The following PRR32 variants were observed in gnomAD, a reference collection of about 807,000 sequenced individuals.
The protein encoded by PRR32 is proline-rich protein 32.
In PRR32, 2 loss-of-function variants were observed where a neutral mutation model predicts 1.3. The ratio of observed to expected loss-of-function variants is 1.49; its 90% confidence interval spans 0.61 to 4.68. The LOEUF is 4.68. Ranked by LOEUF, PRR32 falls within the 30% of genes most tolerant of loss-of-function variation. The pLI, the probability that PRR32 is intolerant of heterozygous loss-of-function variation, is 0.06. For synonymous variants in PRR32, 107 were observed against 88.7 expected (o/e 1.21, Z -1.16); for missense variants, 241 against 232.5 (o/e 1.04, Z -0.24).
rs1170129003 is a variant in PRR32 at position 126,820,700 on chromosome X, A to T, written c.62A>T (p.Asp21Val). The change falls in exon 2 of 2, where the codon GAC (aspartate) becomes GTC (valine). Residue 21 changes from aspartate (D) to valine (V), a missense_variant. Coordinates refer to ENST00000371125, the MANE Select transcript of PRR32 (RefSeq NM_001122716.2). ...CCTTCACCCTTGGTAGTATCTGTGG[A>T]CAAAAATGGGAACCAGGAGCTGCAC... ...HAPSPLVVSV[D>V]KNGNQELHHD... 2 of 1,167,912 alleles carry T rather than the reference A, an allele frequency of 1.7e-6. No individual in the cohort carries two copies. The highest frequency in any genetic ancestry group is 2.3e-6 in the Non-Finnish European group (2 of 872,990).
rs1387014737 is a variant in PRR32, at chrX:126,821,366, C to A, written c.728C>A (p.Thr243Asn). The change falls in exon 2 of 2, where the codon ACT becomes AAT. Residue 243 changes from threonine to asparagine, a missense_variant. Physicochemically the swap from Thr to Asn is moderately conservative, Grantham distance 65. Coordinates refer to ENST00000371125, the MANE Select transcript of PRR32 (RefSeq NM_001122716.2). ...SSTPGLPSCSTVHCFIPPRPP... is the reference protein window; with the variant it reads ...SSTPGLPSCSNVHCFIPPRPP... ...ACTCCAGGTTTACCTTCTTGCTCTA[C>A]TGTTCATTGTTTCATCCCTCCTCGA... is the stretch of plus-strand genomic sequence containing the variant. 6.8e-6 allele frequency: 8 copies of A among 1,168,517 alleles called. No homozygotes were observed. The highest frequency in any genetic ancestry group is 1.8e-5 in the African/African-American group (1 of 56,358).
Position 126,820,654 on chromosome X carries a change from G to A in PRR32, c.21-5G>A. 1.7e-6 allele frequency: 2 copies of A among 1,153,518 alleles called. No individual in the cohort carries two copies. The highest frequency in any genetic ancestry group is 2.3e-6 in the Non-Finnish European group (2 of 866,964). On this transcript the variant is annotated splice_polypyrimidine_tract_variant and splice_region_variant and intron_variant, in intron 1 of 1. Coordinates refer to ENST00000371125, the MANE Select transcript of PRR32 (RefSeq NM_001122716.2). ...TATTAGCTGTTTGATTTCTGTTTTT[G>A]CAAGCCTTGGAGGGCACGCCCCTTC...
At position 126,821,091 on chromosome X, in the gene PRR32, T is replaced by G; in HGVS notation, c.453T>G (p.Thr151=). The change falls in exon 2 of 2, where the codon ACT becomes ACG. Residue 151 remains threonine, a synonymous_variant. Transcript: ENST00000371125. ...VGGTKVNNGG[T]ERGSNNARLH... Reference sequence around the variant, plus strand: ...GCACAAAGGTCAACAATGGGGGCACTGAGAGAGGCAGTAATAACGCAAGGT... The same window carrying G: ...GCACAAAGGTCAACAATGGGGGCACGGAGAGAGGCAGTAATAACGCAAGGT... 2 of 1,167,754 alleles carry G rather than the reference T, an allele frequency of 1.7e-6. No individual in the cohort carries two copies. The highest frequency in any genetic ancestry group is 6.5e-5 in the East Asian group (2 of 30,740).
rs1602656636 is a variant in PRR32, at chrX:126,821,286, G to A, written c.648G>A (p.Arg216=). 2.6e-6 allele frequency: 3 copies of A among 1,168,213 alleles called. No homozygotes were observed. Among genetic ancestry groups the A allele is most frequent in the Non-Finnish European group, 3.4e-6 (3 of 873,109 alleles). Residue 216 remains arginine, a synonymous_variant, in exon 2 of 2, where the codon AGG becomes AGA. Transcript: ENST00000371125. The part of the protein sequence containing the change: ...GKLAHVSFPL[R]GPCHPMHNWP... ...TGGCTCATGTTTCTTTCCCACTCAG[G>A]GGCCCATGCCACCCCATGCATAATT... is the stretch of plus-strand genomic sequence containing the variant.
Position 126,821,626 on chromosome X carries a change from ACT to A in PRR32, c.*94_*95del, listed in dbSNP as rs941784540. 5 of 1,066,673 alleles carry A rather than the reference ACT, an allele frequency of 4.7e-6. No homozygotes were observed. Among genetic ancestry groups the A allele is most frequent in the Non-Finnish European group, 4.9e-6 (4 of 810,269 alleles). The allele number at this position is 1,066,673 out of a possible 1,213,427, so 87.9% of individuals were successfully genotyped here. The stretch of plus-strand genomic sequence containing the variant: ...TATTTGAAACCTTGTACCCTCCCAC[ACT>A]CTGTTTAGCACTAATGTGCCCTACT... On this transcript the variant is annotated 3_prime_UTR_variant, in exon 2 of 2. Transcript: ENST00000371125.
chrX:126,820,890 T>C lies in PRR32; in HGVS notation c.252T>C (p.His84=), dbSNP rs778217680. The part of the protein sequence containing the change: ...SERTGSCIPL[H]SLRAHRHPYG... ...GAACAGGATCCTGCATTCCTCTTCA[T>C]AGCTTGAGAGCTCATAGACACCCCT... The change falls in exon 2 of 2, where the codon CAT becomes CAC. Residue 84 remains histidine (H), a synonymous_variant. Coordinates refer to ENST00000371125, the MANE Select transcript of PRR32 (RefSeq NM_001122716.2). The C allele has an allele frequency of 5.1e-6, 6 of 1,166,042 alleles. No homozygotes were observed. In the African/African-American group the frequency reaches 7.2e-5, roughly 14 times the overall value.
At position 126,820,671 on chromosome X, in the gene PRR32, C is replaced by T. The variant is rs1206094767; in HGVS notation, c.33C>T (p.His11=). 14 of 1,164,338 alleles carry T rather than the reference C, an allele frequency of 1.2e-5. No homozygotes were observed. Among genetic ancestry groups the T allele is most frequent in the Middle Eastern group, 2.3e-4 (1 of 4,304 alleles). Residue 11 remains histidine, a synonymous_variant, in exon 2 of 2, where the codon CAC becomes CAT. Coordinates refer to ENST00000371125, the MANE Select transcript of PRR32 (RefSeq NM_001122716.2). The part of the protein sequence containing the change: MACIENVLGG[H]APSPLVVSVD... Reference sequence around the variant, plus strand: ...CTGTTTTTGCAAGCCTTGGAGGGCACGCCCCTTCACCCTTGGTAGTATCTG... The same window carrying T: ...CTGTTTTTGCAAGCCTTGGAGGGCATGCCCCTTCACCCTTGGTAGTATCTG...
rs752831115 is a variant in PRR32, at chrX:126,821,390, G to A, written c.752G>A (p.Arg251Gln). Residue 251 changes from arginine to glutamine, a missense_variant, in exon 2 of 2, where the codon CGA becomes CAA. Physicochemically the swap from Arg to Gln is conservative, Grantham distance 43. Transcript: ENST00000371125. ...ACTGTTCATTGTTTCATCCCTCCTC[G>A]ACCTCCGATTTTCAATCCCTTTCTC... ...CSTVHCFIPPRPPIFNPFLTM... is the reference protein window; with the variant it reads ...CSTVHCFIPPQPPIFNPFLTM... 52 of 1,165,991 alleles carry A rather than the reference G, an allele frequency of 4.5e-5. No homozygotes were observed. The highest frequency in any genetic ancestry group is 5.4e-5 in the African/African-American group (3 of 55,505).
In PRR32 at chrX:126,819,804, C is replaced by T. The variant is rs754981320; in HGVS notation, c.-40C>T. 8.6e-7 allele frequency: 1 copy of T among 1,156,364 alleles called. No homozygotes were observed. The highest frequency in any genetic ancestry group is 1.8e-5 in the African/African-American group (1 of 55,345). On this transcript the variant is annotated 5_prime_UTR_variant, in exon 1 of 2. Transcript: ENST00000371125. ...CTAGCTGGCCTGTTCAGTGGGTTATCTCCACCACCTCAGGAAAGCTATTCT... is the reference window on the plus strand; with the variant it reads ...CTAGCTGGCCTGTTCAGTGGGTTATTTCCACCACCTCAGGAAAGCTATTCT...
rs202204676 is a variant in PRR32 at position 126,821,527 on chromosome X, C to T, written c.889C>T (p.His297Tyr). ...MPAPASPNREHS is the reference protein window; with the variant it reads ...MPAPASPNREYS ...AGCTCCTGCATCACCCAACAGAGAG[C>T]ACAGCTGATGGCAAAAAGGAAGGAT... Residue 297 changes from histidine to tyrosine, a missense_variant, in exon 2 of 2, where the codon CAC becomes TAC. Coordinates refer to ENST00000371125, the MANE Select transcript of PRR32 (RefSeq NM_001122716.2). The T allele has an allele frequency of 1.4e-4, 161 of 1,163,095 alleles. No individual in the cohort carries two copies. The South Asian group carries it at 2.1e-3, about 15-fold the overall frequency.
At chrX:126,820,598 A>G in intron 1 of PRR32, 61 bp from the exon 2 acceptor site, 1 of 1,097,607 alleles carries the variant, frequency 9.1e-7, no homozygotes, top group Non-Finnish European at 1.2e-6. Flanking sequence ...TACATATTGT[A>G]GCTATTTTCT....
rs780023359 is a variant in PRR32, at chrX:126,821,454, T to C, written c.816T>C (p.Gly272=). 32 of 1,166,788 alleles carry C rather than the reference T, an allele frequency of 2.7e-5. No homozygotes were observed. The South Asian group carries it at 5.5e-4, about 20-fold the overall frequency. ...PLPFAPPPIF[G]PPLPSYFAHF... is the part of the protein sequence containing the mutation. ...CTTTTGCTCCTCCTCCGATATTTGGTCCTCCACTGCCTTCTTATTTTGCCC... is the reference window on the plus strand; with the variant it reads ...CTTTTGCTCCTCCTCCGATATTTGGCCCTCCACTGCCTTCTTATTTTGCCC... Residue 272 remains glycine, a synonymous_variant, in exon 2 of 2, where the codon GGT becomes GGC. Coordinates refer to ENST00000371125, the MANE Select transcript of PRR32 (RefSeq NM_001122716.2).
chrX:126,821,344 C>G lies in PRR32; in HGVS notation c.706C>G (p.Pro236Ala), dbSNP rs1163177492. Residue 236 changes from proline (P) to alanine (A), a missense_variant, in exon 2 of 2, where the codon CCA becomes GCA. Physicochemically the swap from Pro to Ala is conservative, Grantham distance 27. Transcript: ENST00000371125. ...PRPIPLSSST[P>A]GLPSCSTVHC... ...GCCTATCCCGTTGTCTTCCAGTACT[C>G]CAGGTTTACCTTCTTGCTCTACTGT... 1 of 1,168,524 alleles carries G rather than the reference C, an allele frequency of 8.6e-7. No homozygotes were observed. The highest frequency in any genetic ancestry group is 3.3e-5 in the East Asian group (1 of 30,726).
At position 126,821,434 on chromosome X, in the gene PRR32, GCTC is replaced by G; in HGVS notation, c.804_806del (p.Pro269del). 1 of 1,167,702 alleles carries G rather than the reference GCTC, an allele frequency of 8.6e-7. No homozygotes were observed. The highest frequency in any genetic ancestry group is 1.1e-6 in the Non-Finnish European group (1 of 873,018). ...CTTTCTCACTATGCCTCTTCCTTTTGCTCCTCCTCCGATATTTGGTCCTCCACT... is the reference window on the plus strand; with the variant it reads ...CTTTCTCACTATGCCTCTTCCTTTTGCTCCTCCGATATTTGGTCCTCCACT... On this transcript the variant is annotated inframe_deletion, in exon 2 of 2. Transcript: ENST00000371125.
At position 126,821,526 on chromosome X, in the gene PRR32, G is replaced by C; in HGVS notation, c.888G>C (p.Glu296Asp). 2 of 1,164,532 alleles carry C rather than the reference G, an allele frequency of 1.7e-6. No individual in the cohort carries two copies. Among genetic ancestry groups the C allele is most frequent in the South Asian group, 1.9e-5 (1 of 52,669 alleles). The change falls in exon 2 of 2, where the codon GAG becomes GAC. Residue 296 changes from glutamate to aspartate, a missense_variant. Physicochemically the swap from Glu to Asp is conservative, Grantham distance 45 (BLOSUM62 2). Transcript: ENST00000371125. The part of the protein sequence containing the change: ...GMPAPASPNR[E>D]HS ...CAGCTCCTGCATCACCCAACAGAGA[G>C]CACAGCTGATGGCAAAAAGGAAGGA...
Position 126,820,788 on chromosome X carries a change from A to G in PRR32, c.150A>G (p.Gln50=). 1 of 1,167,609 alleles carries G rather than the reference A, an allele frequency of 8.6e-7. No individual in the cohort carries two copies. The highest frequency in any genetic ancestry group is 1.1e-6 in the Non-Finnish European group (1 of 872,960). The change falls in exon 2 of 2, where the codon CAA becomes CAG. Residue 50 remains glutamine, a synonymous_variant. Coordinates refer to ENST00000371125, the MANE Select transcript of PRR32 (RefSeq NM_001122716.2). ...AGGATGACGCAGAGCCCTGGGGTCA[A>G]CCTCAAGTACCGCTGAGACCTTCCG... is the stretch of plus-strand genomic sequence containing the variant. The part of the protein sequence containing the change: ...KPEDDAEPWG[Q]PQVPLRPSVN...
At position 126,821,287 on chromosome X, in the gene PRR32, G is replaced by C. The variant is rs1015211209; in HGVS notation, c.649G>C (p.Gly217Arg). The change falls in exon 2 of 2, where the codon GGC becomes CGC. Residue 217 changes from glycine to arginine, a missense_variant. Coordinates refer to ENST00000371125, the MANE Select transcript of PRR32 (RefSeq NM_001122716.2). ...KLAHVSFPLRGPCHPMHNWPR... is the reference protein window; with the variant it reads ...KLAHVSFPLRRPCHPMHNWPR... The stretch of plus-strand genomic sequence containing the variant: ...GGCTCATGTTTCTTTCCCACTCAGG[G>C]GCCCATGCCACCCCATGCATAATTG... 6 of 1,168,148 alleles carry C rather than the reference G, an allele frequency of 5.1e-6. No homozygotes were observed. In the Admixed American group the frequency reaches 7.7e-5, roughly 15 times the overall value.
At chrX:126,820,128 G>A (rs781657907) in intron 1 of PRR32, among the ~76,000 whole-genome samples, 101 of 111,986 alleles carry the variant, frequency 9.0e-4, no homozygotes, top group Middle Eastern at 4.6e-3. Flanking sequence ...TCTAGGGTGT[G>A]GTGGTGGTTG....
chrX:126,819,969 G>T, intron 1 of PRR32, 106 bp downstream of exon 1: 1 of 780,273 alleles, frequency 1.3e-6, no homozygotes, highest in Non-Finnish European at 1.8e-6. Context: ...GGAGATGTGG[G>T]AGGAAATTAC....
Sources: allele counts gnomAD v4.1 joint callset (sites outside exome capture counted in the v4.1 genomes callset), GRCh38; gene constraint gnomAD v4.1.1; transcripts MANE v1.5; gene names NCBI Gene and HGNC (gene_info 2026-07-23, HGNC 2026-07-21).